ANO10: variants seen among roughly 807,000 people sequenced by gnomAD.
The protein encoded by ANO10 is anoctamin 10, also known as anoctamin-10.
ANO10 carries 77 observed loss-of-function variants against 74.7 expected under a neutral mutation model. The ratio of observed to expected loss-of-function variants is 1.03; its 90% CI spans 0.86 to 1.25. ANO10 has a LOEUF of 1.25. ANO10 is among the 50% of genes most tolerant of loss of function. The pLI, the probability that ANO10 is intolerant of heterozygous loss-of-function variation, is 0.00. For synonymous variants in ANO10, 279 were observed against 284.9 expected, an observed-to-expected ratio of 0.98 and a Z score of 0.21; for missense variants, 721 against 778.1, an observed-to-expected ratio of 0.93 and a Z score of 0.87.
intron 12 of ANO10, among the ~76,000 whole-genome samples, chr3:43,377,158 C>T (rs1454063807): frequency 2.0e-5 from 3 of 152,172 alleles, no homozygotes; most frequent in African/African-American, 7.2e-5. Context: ...ACAATCACAG[C>T]TCACTGCAGC....
Position 43,392,186 on chromosome 3 carries a change from A to G in ANO10, c.1915-25212T>C, listed in dbSNP as rs114558082. On this transcript the variant is annotated intron_variant, in intron 12 of 12. Transcript: ENST00000292246. The stretch of plus-strand genomic sequence containing the variant: ...GACTTTAAAAAAAAATTTTATTGTT[A>G]AAATACAAGTACATAGTTTTTAAAA... 8.5e-3 allele frequency among the ~76,000 whole-genome samples: 1,289 copies of G among 152,288 alleles called. 20 individuals carry two copies. The highest frequency in any genetic ancestry group is 0.029 in the African/African-American group (1,195 of 41,556).
intron 1 of ANO10, chr3:43,689,284 T>C (rs1234706292): frequency 6.6e-6 from 1 of 152,208 alleles, no homozygotes; most frequent in African/African-American, 2.4e-5. Flanking sequence ...AACCTTAGTC[T>C]GGGAGGGTAA....
chr3:43,480,841 C>T (rs2076238815), intron 11 of ANO10, among the ~76,000 whole-genome samples: 1 of 152,084 alleles, frequency 6.6e-6, no homozygotes, highest in South Asian at 2.1e-4. Context: ...ATGATAGGTA[C>T]ACAGAAACCA....
At chr3:43,458,216 C>G (rs1256971271) in intron 11 of ANO10, among the ~76,000 whole-genome samples, 2 of 151,942 alleles carry the variant, frequency 1.3e-5, no homozygotes, top group African/African-American at 2.4e-5. Context: ...AAATGCTGAC[C>G]CCGGAGTCCT....
At chr3:43,684,662 CAA>C (rs1202234142) in intron 1 of ANO10, among the ~76,000 whole-genome samples, 1 of 152,088 alleles carries the variant, frequency 6.6e-6, no homozygotes, top group African/African-American at 2.4e-5. Context: ...TTCACAATAG[CAA>C]AGACTTGGAA....
chr3:43,448,873 C>CTTTTTTTTTTTTT (rs35711363), intron 11 of ANO10, among the ~76,000 whole-genome samples: 1 of 134,280 alleles, frequency 7.4e-6, no homozygotes, highest in Admixed American at 7.6e-5. Context: ...TTCTTTCTTT[C>CTTTTTTTTTTTTT]TTTTTTTTTT....
chr3:43,688,728 C>T (rs1341367402), intron 1 of ANO10, among the ~76,000 whole-genome samples: 1 of 151,864 alleles, frequency 6.6e-6, no homozygotes, highest in African/African-American at 2.4e-5. Flanking sequence ...CCTGGAATCC[C>T]AGCTACTCAG....
chr3:43,631,954 T>A (rs927390780), intron 1 of ANO10, among the ~76,000 whole-genome samples: 1 of 150,612 alleles, frequency 6.6e-6, no homozygotes, highest in African/African-American at 2.4e-5. Flanking sequence ...GCGCCTATAA[T>A]CCCAGCTACT....
rs2080218531 is a variant in ANO10 at position 43,564,619 on chromosome 3, CTGT to C, written c.1293+1031_1293+1033del. On this transcript the variant is annotated intron_variant, in intron 8 of 12. Coordinates refer to ENST00000292246, the MANE Select transcript of ANO10 (RefSeq NM_018075.5). ...TCTTTTTTACTTGGCCTGTACACTG[CTGT>C]TGAATTAACTATTACTCCCAATTTT... Among the ~76,000 whole-genome samples, 3 of 152,162 alleles carry C rather than the reference CTGT, an allele frequency of 2.0e-5. No individual in the cohort carries two copies. The South Asian group carries it at 6.2e-4, about 31-fold the overall frequency.
At chr3:43,569,705 C>T (rs1365756554) in intron 7 of ANO10, among the ~76,000 whole-genome samples, 2 of 126,038 alleles carry the variant, frequency 1.6e-5, no homozygotes, top group Admixed American at 8.2e-5. Flanking sequence ...TAAGAGCTAT[C>T]TATGACAAAC....
intron 1 of ANO10, among the ~76,000 whole-genome samples, chr3:43,673,065 A>T (rs2084079171): frequency 6.6e-6 from 1 of 152,184 alleles, no homozygotes; most frequent in Non-Finnish European, 1.5e-5. Flanking sequence ...CACTTACACC[A>T]TCATAAAGTT....
chr3:43,508,003 T>C (rs2077361492), intron 11 of ANO10, among the ~76,000 whole-genome samples: 2 of 152,108 alleles, frequency 1.3e-5, no homozygotes, highest in Middle Eastern at 3.2e-3. Context: ...TGAAATAAAG[T>C]ATAATTTTAA....
intron 11 of ANO10, among the ~76,000 whole-genome samples, chr3:43,501,630 A>G (rs1310844105): frequency 1.3e-5 from 2 of 152,204 alleles, no homozygotes; most frequent in Admixed American, 1.3e-4. Context: ...CCTGGATGCA[A>G]TGAAGACTAA....
intron 11 of ANO10, among the ~76,000 whole-genome samples, chr3:43,452,939 T>G (rs2074944057): frequency 6.6e-6 from 1 of 152,236 alleles, no homozygotes; most frequent in Non-Finnish European, 1.5e-5. Context: ...GCTAATGATG[T>G]AAATATCTTT....
chr3:43,601,782 T>C (rs937039794), intron 2 of ANO10, among the ~76,000 whole-genome samples: 5 of 152,210 alleles, frequency 3.3e-5, no homozygotes, highest in Non-Finnish European at 5.9e-5. Context: ...TATACCAATA[T>C]GCTGTTTCTC....
chr3:43,393,048 C>T (rs2092308095), intron 12 of ANO10, among the ~76,000 whole-genome samples: 1 of 152,228 alleles, frequency 6.6e-6, no homozygotes, highest in East Asian at 1.9e-4. Flanking sequence ...GACAGTGAGG[C>T]TCTATGTGCT....
chr3:43,684,591 A>G lies in ANO10; in HGVS notation c.-12+6926T>C, dbSNP rs1384260020. On this transcript the variant is annotated intron_variant, in intron 1 of 3. Coordinates refer to the ANO10 transcript ENST00000413397. ...CCATCCCATTACTAGGTATATACCC[A>G]TAGGATTATAAAACATGCTGCTGTA... 2.0e-5 allele frequency among the ~76,000 whole-genome samples: 3 copies of G among 152,338 alleles called. No homozygotes were observed. The East Asian group carries it at 5.8e-4, about 29-fold the overall frequency.
intron 1 of ANO10, among the ~76,000 whole-genome samples, chr3:43,644,814 G>A (rs1433465069): frequency 1.3e-5 from 2 of 152,196 alleles, no homozygotes; most frequent in African/African-American, 2.4e-5. Context: ...AGGCCTGGGC[G>A]GTAACACCTT....
At chr3:43,651,483 TA>T (rs1280958640) in intron 1 of ANO10, among the ~76,000 whole-genome samples, 1 of 152,084 alleles carries the variant, frequency 6.6e-6, no homozygotes, top group Non-Finnish European at 1.5e-5. Context: ...TTTTGGAAGA[TA>T]GAAGTAAAGT....
Sources: gnomAD v4.1 joint callset for allele counts (sites outside exome capture counted in the v4.1 genomes callset) on GRCh38, gnomAD v4.1.1 for gene constraint, MANE v1.5 for transcripts, NCBI Gene and HGNC (gene_info 2026-07-23, HGNC 2026-07-21) for gene names.